RBFOX1: variants seen among roughly 807,000 people sequenced by gnomAD.
RBFOX1 encodes RNA binding fox-1 homolog 1.
In RBFOX1, 8 loss-of-function variants were observed where a neutral mutation model predicts 57.7. The observed-to-expected ratio is 0.14, with a 90% confidence interval of 0.08 to 0.25. RBFOX1 has a LOEUF of 0.25. Among genes scored for constraint, RBFOX1 ranks in the 10% least tolerant of loss-of-function variants. The pLI is 1.00. For missense variants in RBFOX1, 611 were observed against 548.5 expected, an observed-to-expected ratio of 1.11 and a Z score of -1.14; for synonymous variants, 326 against 222.4, an observed-to-expected ratio of 1.47 and a Z score of -4.15.
At chr16:6,952,073 T>A (rs2080882686) in intron 3 of RBFOX1, among the ~76,000 whole-genome samples, 1 of 152,208 alleles carries the variant, frequency 6.6e-6, no homozygotes, top group Admixed American at 6.5e-5. Context: ...ATCAGATACA[T>A]GTACCTTTAT....
At chr16:6,812,263 A>T (rs974192707) in intron 3 of RBFOX1, among the ~76,000 whole-genome samples, 1 of 152,202 alleles carries the variant, frequency 6.6e-6, no homozygotes, top group African/African-American at 2.4e-5. Context: ...ATTTGTTCAA[A>T]ATGAAAGTAT....
At chr16:6,573,688 C>G (rs970524207) in intron 2 of RBFOX1, 1 of 152,186 alleles carries the variant, frequency 6.6e-6, no homozygotes, top group African/African-American at 2.4e-5. Context: ...GTGACATGCT[C>G]AGGGGTGACG....
intron 4 of RBFOX1, among the ~76,000 whole-genome samples, chr16:7,118,703 G>A (rs1216223001): frequency 3.9e-5 from 6 of 152,136 alleles, no homozygotes; most frequent in Admixed American, 2.0e-4. Flanking sequence ...TAGTAAAGGC[G>A]TGAATGTTAG....
chr16:7,128,818 C>CTT (rs759893956), intron 4 of RBFOX1, among the ~76,000 whole-genome samples: 3,614 of 126,822 alleles, frequency 0.028, 188 homozygotes, highest in African/African-American at 0.1. Context: ...TTTCTTTTTA[C>CTT]TTTTTTTTTT....
intron 7 of RBFOX1, 83 bp downstream of exon 7, chr16:7,587,383 T>C (rs1602578350): frequency 1.5e-6 from 2 of 1,296,590 alleles, no homozygotes; most frequent in East Asian, 2.7e-5. Flanking sequence ...TGCACTGTCT[T>C]AATCAGCTCA....
intron 1 of RBFOX1, among the ~76,000 whole-genome samples, chr16:6,111,748 T>C (rs1183604977): frequency 6.6e-6 from 1 of 152,274 alleles, no homozygotes; most frequent in East Asian, 1.9e-4. Context: ...AGGAAGACTT[T>C]TGAAAATTGT....
intron 2 of RBFOX1, among the ~76,000 whole-genome samples, chr16:6,555,243 A>T (rs999625063): frequency 2.6e-5 from 4 of 152,154 alleles, no homozygotes; most frequent in Admixed American, 2.0e-4. Context: ...CAAGTATACA[A>T]AGCCTGTCTC....
rs531681058 is a variant in RBFOX1, at chr16:5,995,718, G to A, written c.351+128383G>A. ...TGGAAAATCTTTGATATAAACAGAA[G>A]AAGAGTTCCTGGGGCTCTTAGATCA... is the stretch of plus-strand genomic sequence containing the variant. On this transcript the variant is annotated intron_variant, in intron 4 of 19. Transcript: ENST00000641259. 9.5e-4 allele frequency among the ~76,000 whole-genome samples: 145 copies of A among 152,260 alleles called. 1 individual carries two copies. Among genetic ancestry groups the A allele is most frequent in the African/African-American group, 3.5e-3 (144 of 41,564 alleles).
chr16:6,801,873 G>C (rs1168897552), intron 3 of RBFOX1, among the ~76,000 whole-genome samples: 1 of 152,078 alleles, frequency 6.6e-6, no homozygotes, highest in Non-Finnish European at 1.5e-5. Context: ...GACCTAAGTG[G>C]TTCATTTATT....
At chr16:5,379,969 C>T (rs2066089038) in intron 1 of RBFOX1, among the ~76,000 whole-genome samples, 1 of 152,152 alleles carries the variant, frequency 6.6e-6, no homozygotes, top group South Asian at 2.1e-4. Context: ...GGGCAGGTGC[C>T]CTTGTTGGCT....
chr16:5,423,318 C>G (rs897025570), intron 1 of RBFOX1, among the ~76,000 whole-genome samples: 3 of 152,048 alleles, frequency 2.0e-5, no homozygotes, highest in Non-Finnish European at 4.4e-5. Context: ...TCACTGTCAC[C>G]GGTTTTCACC....
chr16:5,883,398 C>T (rs1420777473), intron 4 of RBFOX1, among the ~76,000 whole-genome samples: 2 of 152,138 alleles, frequency 1.3e-5, no homozygotes, highest in South Asian at 2.1e-4. Context: ...TTCTGACATT[C>T]TCTAAGTATG....
chr16:6,147,158 C>G (rs2096764504), intron 1 of RBFOX1, among the ~76,000 whole-genome samples: 1 of 152,186 alleles, frequency 6.6e-6, no homozygotes, highest in African/African-American at 2.4e-5. Context: ...CCATCCCACT[C>G]CAACTGTTAC....
chr16:7,149,657 C>T (rs573598203), intron 4 of RBFOX1, among the ~76,000 whole-genome samples: 10 of 151,854 alleles, frequency 6.6e-5, no homozygotes, highest in South Asian at 2.1e-4. Flanking sequence ...AGCTATATGC[C>T]CCCGCAGGCC....
At chr16:6,516,151 C>T (rs1049816629) in intron 2 of RBFOX1, among the ~76,000 whole-genome samples, 3 of 152,140 alleles carry the variant, frequency 2.0e-5, no homozygotes, top group African/African-American at 7.2e-5. Flanking sequence ...GCTTCAGCCT[C>T]CCGAGTAGCT....
chr16:5,275,938 T>C (rs1222500142), intron 1 of RBFOX1, among the ~76,000 whole-genome samples: 1 of 152,102 alleles, frequency 6.6e-6, no homozygotes, highest in Non-Finnish European at 1.5e-5. Context: ...GTAAGGAAAG[T>C]ACACCCTATT....
intron 1 of RBFOX1, among the ~76,000 whole-genome samples, chr16:6,121,346 T>A (rs530790761): frequency 6.6e-6 from 1 of 152,210 alleles, no homozygotes; most frequent in Non-Finnish European, 1.5e-5. Flanking sequence ...CAAGCTGGCC[T>A]GTCTACATGG....
chr16:7,468,677 G>A (rs1326894668), intron 4 of RBFOX1, among the ~76,000 whole-genome samples: 2 of 152,120 alleles, frequency 1.3e-5, no homozygotes, highest in African/African-American at 4.8e-5. Context: ...TGCATAGGAT[G>A]CTTTAAAGTC....
At chr16:7,387,784 G>C (rs1224862959) in intron 4 of RBFOX1, among the ~76,000 whole-genome samples, 1 of 152,170 alleles carries the variant, frequency 6.6e-6, no homozygotes, top group Admixed American at 6.5e-5. Flanking sequence ...CTCATCTTTT[G>C]AATGCTGGAG....
Sources: gnomAD v4.1 joint callset for allele counts (sites outside exome capture counted in the v4.1 genomes callset) on GRCh38, gnomAD v4.1.1 for gene constraint, MANE v1.5 for transcripts, NCBI Gene and HGNC (gene_info 2026-07-23, HGNC 2026-07-21) for gene names.